The following PSEN1 variants were observed in gnomAD, a reference collection of about 807,000 sequenced individuals.
PSEN1 encodes the protein presenilin 1, also known as presenilin-1.
Under a neutral mutation model 53.5 loss-of-function variants are expected in PSEN1, and 15 were observed. The ratio of observed to expected loss-of-function variants is 0.28; its 90% CI spans 0.19 to 0.43. The LOEUF is 0.43. Ranked by LOEUF, PSEN1 falls within the 20% of genes least tolerant of loss-of-function variation. PSEN1 has a pLI of 1.00. For missense variants in PSEN1, 387 were observed against 571.2 expected (o/e 0.68, Z 3.29); for synonymous variants, 208 against 209.8 (o/e 0.99, Z 0.08).
chr14:73,169,479 T>A (rs1897822341), intron 3 of PSEN1: 1 of 152,276 alleles, frequency 6.6e-6, no homozygotes, highest in African/African-American at 2.4e-5. Context: ...CCATTGGACT[T>A]AACTGCCTGG....
intron 3 of PSEN1, among the ~76,000 whole-genome samples, chr14:73,155,731 C>T (rs1897335292): frequency 6.6e-6 from 1 of 151,794 alleles, no homozygotes; most frequent in Non-Finnish European, 1.5e-5. Flanking sequence ...GTTGCCCAGG[C>T]CGGTCTTGAA....
At chr14:73,148,811 T>C (rs1743785418) in intron 3 of PSEN1, among the ~76,000 whole-genome samples, 1 of 152,116 alleles carries the variant, frequency 6.6e-6, no homozygotes, top group Non-Finnish European at 1.5e-5. Context: ...CAGGTGCCTG[T>C]AATCCCAGCT....
At chr14:73,184,069 C>G (rs1898338593) in intron 5 of PSEN1, among the ~76,000 whole-genome samples, 1 of 135,016 alleles carries the variant, frequency 7.4e-6, no homozygotes, top group Non-Finnish European at 1.6e-5. Context: ...CCCCCCACCT[C>G]CCTCCCAGAC....
rs573250391 is a variant in PSEN1 at position 73,198,396 on chromosome 14, G to C, written c.868+267G>C. ...CCCATTTTAAAACCTGTTAGGAGTT[G>C]TTGATTAGGGCAAGCTCAAGGATTC... On this transcript the variant is annotated intron_variant, in intron 8 of 11. Transcript: ENST00000324501. 7.9e-5 allele frequency among the ~76,000 whole-genome samples: 12 copies of C among 152,332 alleles called. No individual in the cohort carries two copies. In the South Asian group the frequency reaches 2.5e-3, roughly 32 times the overall value.
At chr14:73,209,320 G>A (rs938745597) in intron 9 of PSEN1, among the ~76,000 whole-genome samples, 6 of 152,150 alleles carry the variant, frequency 3.9e-5, no homozygotes, top group Non-Finnish European at 5.9e-5. Context: ...CAGATGGGCC[G>A]CTGCTGCCAT....
intron 1 of PSEN1, among the ~76,000 whole-genome samples, chr14:73,142,213 A>G (rs961731275): frequency 1.4e-4 from 21 of 152,218 alleles, no homozygotes; most frequent in African/African-American, 5.1e-4. Flanking sequence ...TCATAACATT[A>G]GAAGTTGGGC....
At chr14:73,196,994 G>A (rs561769663) in intron 7 of PSEN1, among the ~76,000 whole-genome samples, 47 of 146,154 alleles carry the variant, frequency 3.2e-4, no homozygotes, top group Non-Finnish European at 3.3e-4. Flanking sequence ...GTGCAGTGGC[G>A]CAATCTCGGC....
chr14:73,143,578 A>G (rs1455482378), intron 1 of PSEN1, among the ~76,000 whole-genome samples: 1 of 152,228 alleles, frequency 6.6e-6, no homozygotes, highest in East Asian at 1.9e-4. Context: ...GGAAAATGCT[A>G]AAGTGACTGC....
intron 3 of PSEN1, chr14:73,169,065 T>C (rs962821098): frequency 6.6e-6 from 1 of 152,226 alleles, no homozygotes; most frequent in Non-Finnish European, 1.5e-5. Flanking sequence ...AAGGGAATTA[T>C]CCAGTCTCAT....
At chr14:73,139,479 G>A (rs887383689) in intron 1 of PSEN1, 4 of 150,306 alleles carry the variant, frequency 2.7e-5, no homozygotes, top group African/African-American at 9.9e-5. Flanking sequence ...TACTCGGGAG[G>A]TGAGGCAGGA....
chr14:73,156,909 G>T (rs1244414081), intron 3 of PSEN1, among the ~76,000 whole-genome samples: 3 of 151,996 alleles, frequency 2.0e-5, no homozygotes, highest in African/African-American at 4.8e-5. Flanking sequence ...TGATCCGCCC[G>T]CCTGGGACTC....
intron 8 of PSEN1, among the ~76,000 whole-genome samples, chr14:73,200,331 G>A (rs771671834): frequency 2.0e-5 from 3 of 151,960 alleles, no homozygotes; most frequent in Admixed American, 6.6e-5. Flanking sequence ...GTACAGTGGC[G>A]CAATCTCAAC....
intron 9 of PSEN1, among the ~76,000 whole-genome samples, chr14:73,209,559 A>G (rs1366582859): frequency 2.0e-5 from 3 of 152,218 alleles, no homozygotes; most frequent in Admixed American, 6.5e-5. Flanking sequence ...AGCACTGAAC[A>G]AGATTTCCCC....
At chr14:73,173,284 A>G (rs1040441895) in intron 4 of PSEN1, among the ~76,000 whole-genome samples, 2 of 152,160 alleles carry the variant, frequency 1.3e-5, no homozygotes, top group Non-Finnish European at 2.9e-5. Flanking sequence ...TTGATGAGGT[A>G]TTATAATTAT....
intron 3 of PSEN1, among the ~76,000 whole-genome samples, chr14:73,149,505 A>G (rs910842728): frequency 3.9e-5 from 6 of 151,992 alleles, no homozygotes; most frequent in Non-Finnish European, 8.8e-5. Flanking sequence ...TTCCTTTTAC[A>G]CTCTGAAGAT....
At chr14:73,140,530 A>G (rs1269664793) in intron 1 of PSEN1, among the ~76,000 whole-genome samples, 2 of 151,966 alleles carry the variant, frequency 1.3e-5, no homozygotes, top group Non-Finnish European at 2.9e-5. Flanking sequence ...TAACTAATTT[A>G]ACAGCAAAAT....
chr14:73,212,495 TC>T (rs1899745575), intron 10 of PSEN1, among the ~76,000 whole-genome samples: 1 of 152,190 alleles, frequency 6.6e-6, no homozygotes, highest in Non-Finnish European at 1.5e-5. Flanking sequence ...TTTTAATTGT[TC>T]CAGTAAGCCT....
chr14:73,158,081 T>C (rs1897415647), intron 3 of PSEN1, among the ~76,000 whole-genome samples: 1 of 152,084 alleles, frequency 6.6e-6, no homozygotes, highest in African/African-American at 2.4e-5. Flanking sequence ...TTTTTATTGC[T>C]GAGTTGTATA....
At chr14:73,187,923 T>G (rs1035020300) in intron 6 of PSEN1, among the ~76,000 whole-genome samples, 2 of 152,070 alleles carry the variant, frequency 1.3e-5, no homozygotes, top group African/African-American at 4.8e-5. Context: ...AATTCAGCAA[T>G]AGATGAAAAG....
Sources: gnomAD v4.1 joint callset for allele counts (sites outside exome capture counted in the v4.1 genomes callset) on GRCh38, gnomAD v4.1.1 for gene constraint, MANE v1.5 for transcripts, NCBI Gene and HGNC (gene_info 2026-07-23, HGNC 2026-07-21) for gene names.